Variants in KDM3A observed in about 807,000 individuals in gnomAD.
KDM3A encodes the protein lysine demethylase 3A.
Under a neutral mutation model 158.0 loss-of-function variants are expected in KDM3A, and 60 were observed. The ratio of observed to expected loss-of-function variants is 0.38; its 90% CI spans 0.31 to 0.47. The LOEUF (loss-of-function observed/expected upper bound fraction) is 0.47. Among genes scored for constraint, KDM3A ranks in the 20% least tolerant of loss-of-function variants. The pLI is 0.99. For missense variants in KDM3A, 1,319 were observed against 1,574.3 expected, an observed-to-expected ratio of 0.84 and a Z score of 2.74; for synonymous variants, 608 against 549.3, an observed-to-expected ratio of 1.11 and a Z score of -1.49.
intron 3 of KDM3A, among the ~76,000 whole-genome samples, chr2:86,450,375 A>G (rs1422202192): frequency 6.6e-6 from 1 of 152,254 alleles, no homozygotes; most frequent in African/African-American, 2.4e-5. Flanking sequence ...TATGGCAGCA[A>G]TGGGCTAGAG....
At position 86,489,526 on chromosome 2, in the gene KDM3A, T is replaced by G. The variant is rs779457353; in HGVS notation, c.3440T>G (p.Leu1147Arg). 1.9e-6 allele frequency: 3 copies of G among 1,613,434 alleles called. No individual in the cohort carries two copies. The highest frequency in any genetic ancestry group is 2.5e-6 in the Non-Finnish European group (3 of 1,179,738). ...CTTTCTCTTCTTGCTCTAGAAGTCC[T>G]TAAGACCATCCAAGATGGAGATTCT... ...KGQCEQEEEVLKTIQDGDSDE... is the reference protein window; with the variant it reads ...KGQCEQEEEVRKTIQDGDSDE... The change falls in exon 23 of 26, where the codon CTT (leucine) becomes CGT (arginine). Residue 1147 changes from leucine (L) to arginine (R), a missense_variant. Leu to Arg is a moderately radical substitution (Grantham distance 102). Coordinates refer to ENST00000312912, the MANE Select transcript of KDM3A (RefSeq NM_018433.6).
At chr2:86,456,929 T>G (rs368129611) in intron 7 of KDM3A, 52 bp downstream of exon 7, 1 of 1,570,618 alleles carries the variant, frequency 6.4e-7, no homozygotes, top group Non-Finnish European at 8.7e-7. Context: ...CCTCCGTTCT[T>G]CTCACATTAA....
At chr2:86,458,764 G>C (rs1672808487) in intron 8 of KDM3A, among the ~76,000 whole-genome samples, 2 of 152,178 alleles carry the variant, frequency 1.3e-5, no homozygotes, top group African/African-American at 4.8e-5. Flanking sequence ...AAGAGAAGCA[G>C]GGTCAGAGAT....
At chr2:86,471,684 C>T (rs115957730) in intron 11 of KDM3A, among the ~76,000 whole-genome samples, 2,324 of 152,172 alleles carry the variant, frequency 0.015, 31 homozygotes, top group Non-Finnish European at 0.02. Flanking sequence ...TATCTGTGCT[C>T]GTAACTTTCA....
At chr2:86,458,005 G>A (rs1672776850) in intron 8 of KDM3A, among the ~76,000 whole-genome samples, 1 of 152,122 alleles carries the variant, frequency 6.6e-6, no homozygotes, top group South Asian at 2.1e-4. Flanking sequence ...ATGCCTAAAT[G>A]TCACATGGAT....
chr2:86,458,567 T>A (rs1245021387), intron 8 of KDM3A, among the ~76,000 whole-genome samples: 1 of 152,200 alleles, frequency 6.6e-6, no homozygotes, highest in African/African-American at 2.4e-5. Flanking sequence ...CTGTCTCAGA[T>A]TCCATAGGAT....
chr2:86,439,186 G>C (rs187483943), upstream of KDM3A, among the ~76,000 whole-genome samples: 3 of 151,986 alleles, frequency 2.0e-5, no homozygotes, highest in African/African-American at 7.2e-5. Context: ...AAGATCACAA[G>C]TGTTCAATGT....
intron 2 of KDM3A, among the ~76,000 whole-genome samples, chr2:86,447,305 C>G (rs1471501226): frequency 9.0e-6 from 1 of 110,676 alleles, no homozygotes; most frequent in Non-Finnish European, 2.0e-5. Flanking sequence ...TTTTTTTTTT[C>G]AAATCACTCA....
chr2:86,453,950 T>C (rs527764037), intron 4 of KDM3A, among the ~76,000 whole-genome samples: 1 of 152,332 alleles, frequency 6.6e-6, no homozygotes, highest in East Asian at 1.9e-4. Flanking sequence ...GAATTCGGTT[T>C]GGCAAGTTAT....
At chr2:86,483,633 TG>T (rs1442281006) in intron 18 of KDM3A, 1 of 159,932 alleles carries the variant, frequency 6.3e-6, no homozygotes, top group Admixed American at 6.4e-5. Flanking sequence ...TCAAGTACGG[TG>T]GGGTCAGTCA....
chr2:86,473,016 A>G (rs914316936), intron 11 of KDM3A, among the ~76,000 whole-genome samples: 2 of 152,136 alleles, frequency 1.3e-5, no homozygotes, highest in Non-Finnish European at 2.9e-5. Context: ...ACTCATAGTC[A>G]GCAGTCAGCA....
chr2:86,478,853 GGAAA>G, intron 15 of KDM3A, 118 bp downstream of exon 15: 3 of 926,666 alleles, frequency 3.2e-6, no homozygotes, highest in Non-Finnish European at 3.3e-6. Flanking sequence ...GCTATCAAGT[GGAAA>G]GAGAGAGAGA....
intron 11 of KDM3A, among the ~76,000 whole-genome samples, chr2:86,472,538 T>C (rs893996966): frequency 6.6e-6 from 1 of 152,208 alleles, no homozygotes; most frequent in East Asian, 1.9e-4. Context: ...TTTTGTGTTA[T>C]GACTATCTCT....
chr2:86,466,471 C>T lies in KDM3A; in HGVS notation c.1107C>T (p.Leu369=), dbSNP rs1255781637. 1 of 1,613,770 alleles carries T rather than the reference C, an allele frequency of 6.2e-7. No individual in the cohort carries two copies. The highest frequency in any genetic ancestry group is 2.2e-5 in the East Asian group (1 of 44,890). The part of the protein sequence containing the change: ...TKPDVCKAGL[L]SKSSQIGTGD... ...CAGATGTCTGCAAAGCAGGGTTGCTCTCAAAGTCCTCTCAGATTGGAACTG... is the reference window on the plus strand; with the variant it reads ...CAGATGTCTGCAAAGCAGGGTTGCTTTCAAAGTCCTCTCAGATTGGAACTG... Residue 369 remains leucine (L), a synonymous_variant, in exon 10 of 26, where the codon CTC becomes CTT. Transcript: ENST00000312912.
At chr2:86,487,947 G>A (rs2104712641) in intron 21 of KDM3A, 1 of 152,360 alleles carries the variant, frequency 6.6e-6, no homozygotes, top group East Asian at 1.9e-4. Context: ...GTCCTGCTGA[G>A]GCTTTGCCTC....
In KDM3A at chr2:86,489,414, A is replaced by G. The variant is rs1433525347; in HGVS notation, c.3410A>G (p.Lys1137Arg). 15 of 1,613,932 alleles carry G rather than the reference A, an allele frequency of 9.3e-6. No individual in the cohort carries two copies. In the Admixed American group the frequency reaches 1.7e-4, roughly 18 times the overall value. The change falls in exon 22 of 26, where the codon AAA becomes AGA. Residue 1137 changes from lysine to arginine, a missense_variant. By Grantham distance (26) the Lys-to-Arg change is conservative. Transcript: ENST00000312912. ...GTCATGGTCTATGTGGGAATTCCCA[A>G]AGGACAGTGTGAGCAAGAAGAAGGT... is the stretch of plus-strand genomic sequence containing the variant. Reference protein sequence around the residue: ...ANVMVYVGIPKGQCEQEEEVL... With the variant: ...ANVMVYVGIPRGQCEQEEEVL...
intron 21 of KDM3A, chr2:86,488,525 T>C (rs1674296532): frequency 6.6e-6 from 1 of 152,274 alleles, no homozygotes; most frequent in Non-Finnish European, 1.5e-5. Flanking sequence ...TGAAGAAATG[T>C]GCCCTCTCAA....
At chr2:86,442,499 C>T (rs2104614892) in intron 2 of KDM3A, 1 of 369,854 alleles carries the variant, frequency 2.7e-6, no homozygotes, top group Non-Finnish European at 5.0e-6. Flanking sequence ...TGTGTCCCAC[C>T]AGGACTGTCT....
chr2:86,459,872 G>A (rs1672857138), intron 8 of KDM3A, among the ~76,000 whole-genome samples: 1 of 152,106 alleles, frequency 6.6e-6, no homozygotes, highest in Non-Finnish European at 1.5e-5. Flanking sequence ...CTTCAGCCTG[G>A]AGATAAGTTT....
Sources: gnomAD v4.1 joint callset for allele counts (sites outside exome capture counted in the v4.1 genomes callset) on GRCh38, gnomAD v4.1.1 for gene constraint, MANE v1.5 for transcripts, NCBI Gene and HGNC (gene_info 2026-07-23, HGNC 2026-07-21) for gene names.